NAALADL2: variants seen among roughly 807,000 people sequenced by gnomAD.
NAALADL2 encodes N-acetylated alpha-linked acidic dipeptidase like 2.
A neutral mutation model predicts 87.2 loss-of-function variants in NAALADL2; 76 were observed. The observed-to-expected ratio is 0.87, with a 90% CI of 0.72 to 1.05. The LOEUF (loss-of-function observed/expected upper bound fraction) is 1.05. NAALADL2 is among the 50% of genes least tolerant of loss of function. NAALADL2 has a pLI of 0.00. For synonymous variants in NAALADL2, 354 were observed against 331.0 expected, an observed-to-expected ratio of 1.07 and a Z score of -0.75; for missense variants, 1,089 against 945.8, an observed-to-expected ratio of 1.15 and a Z score of -1.99.
chr3:175,144,799 C>T (rs1730520955), intron 2 of NAALADL2, among the ~76,000 whole-genome samples: 1 of 151,720 alleles, frequency 6.6e-6, no homozygotes, highest in African/African-American at 2.4e-5. Flanking sequence ...ATTGTGTTTT[C>T]AGATTTCTTT....
chr3:174,864,889 G>T (rs1005670772), intron 1 of NAALADL2, among the ~76,000 whole-genome samples: 8 of 151,944 alleles, frequency 5.3e-5, no homozygotes, highest in Admixed American at 3.3e-4. Context: ...TATAAGTGAA[G>T]AAATAACAGG....
Position 175,723,543 on chromosome 3 carries a change from G to A in NAALADL2, c.1897-13763G>A, listed in dbSNP as rs144055575. On this transcript the variant is annotated intron_variant, in intron 11 of 13. Coordinates refer to ENST00000454872, the MANE Select transcript of NAALADL2 (RefSeq NM_207015.3). The stretch of plus-strand genomic sequence containing the variant: ...CATGAAAACCTTTCTATCTTCACTT[G>A]TCCAGATCAGGCTTGACTTTGGCAT... Among the ~76,000 whole-genome samples the A allele has an allele frequency of 3.2e-3, 483 of 152,160 alleles. 2 individuals carry two copies. Among genetic ancestry groups the A allele is most frequent in the African/African-American group, 0.011 (465 of 41,518 alleles).
intron 11 of NAALADL2, among the ~76,000 whole-genome samples, chr3:175,651,611 A>G (rs933477733): frequency 1.3e-5 from 2 of 152,218 alleles, no homozygotes; most frequent in Admixed American, 6.5e-5. Flanking sequence ...AAGAGTTTAT[A>G]TAAGTCCTTC....
intron 5 of NAALADL2, among the ~76,000 whole-genome samples, chr3:175,324,677 A>G (rs553087031): frequency 2.0e-3 from 306 of 152,298 alleles, no homozygotes; most frequent in African/African-American, 7.0e-3. Context: ...AGGAGCATGA[A>G]ATGTCTGCTG....
intron 3 of NAALADL2, among the ~76,000 whole-genome samples, chr3:174,771,726 CATGAGT>C (rs1440933578): frequency 6.6e-6 from 1 of 152,126 alleles, no homozygotes; most frequent in African/African-American, 2.4e-5. Flanking sequence ...GAAAGGTATC[CATGAGT>C]ATGGTACAGG....
rs976898535 is a variant in NAALADL2 at position 175,488,463 on chromosome 3, G to C, written c.1653+16705G>C. Reference sequence around the variant, plus strand: ...TGTGTAGGTGCTGGGATGTGTGTGTGCACACATACGTGCACATTCATCTAT... The same window carrying C: ...TGTGTAGGTGCTGGGATGTGTGTGTCCACACATACGTGCACATTCATCTAT... On this transcript the variant is annotated intron_variant, in intron 9 of 13. Coordinates refer to ENST00000454872, the MANE Select transcript of NAALADL2 (RefSeq NM_207015.3). 7.7e-4 allele frequency among the ~76,000 whole-genome samples: 117 copies of C among 152,196 alleles called. 1 individual carries two copies. Among genetic ancestry groups the C allele is most frequent in the African/African-American group, 2.8e-3 (114 of 41,450 alleles).
chr3:174,627,667 G>A (rs1488823322), intron 2 of NAALADL2, among the ~76,000 whole-genome samples: 1 of 152,158 alleles, frequency 6.6e-6, no homozygotes, highest in African/African-American at 2.4e-5. Flanking sequence ...CTTCAAAATA[G>A]CAAAGTCATG....
At chr3:175,240,493 G>A (rs1315360877) in intron 3 of NAALADL2, among the ~76,000 whole-genome samples, 2 of 152,190 alleles carry the variant, frequency 1.3e-5, no homozygotes, top group Non-Finnish European at 2.9e-5. Context: ...AAAAGGCAGA[G>A]CTATATGCAT....
intron 2 of NAALADL2, among the ~76,000 whole-genome samples, chr3:175,151,214 C>CAT (rs1033420834): frequency 3.9e-5 from 6 of 152,136 alleles, no homozygotes; most frequent in Non-Finnish European, 8.8e-5. Flanking sequence ...TCACTTACCG[C>CAT]ATATCATGTG....
At chr3:175,404,468 C>T (rs1296814086) in intron 5 of NAALADL2, among the ~76,000 whole-genome samples, 2 of 152,080 alleles carry the variant, frequency 1.3e-5, no homozygotes, top group African/African-American at 2.4e-5. Context: ...TTGCAAAAGC[C>T]GTGTGAGTCT....
intron 5 of NAALADL2, among the ~76,000 whole-genome samples, chr3:175,440,257 T>C (rs151164390): frequency 0.01 from 1,535 of 152,334 alleles, 16 homozygotes; most frequent in Middle Eastern, 0.034. Flanking sequence ...TCTGTCTTAA[T>C]ACCAGTATCA....
At chr3:175,282,991 C>A (rs895240084) in intron 4 of NAALADL2, among the ~76,000 whole-genome samples, 3 of 150,122 alleles carry the variant, frequency 2.0e-5, no homozygotes, top group African/African-American at 7.4e-5. Flanking sequence ...GTATTATTAA[C>A]AGCAATGACA....
intron 1 of NAALADL2, among the ~76,000 whole-genome samples, chr3:175,054,785 A>G (rs991740362): frequency 2.6e-5 from 4 of 152,154 alleles, no homozygotes; most frequent in African/African-American, 9.7e-5. Context: ...CCTAACAGGG[A>G]CATACCCCAT....
At chr3:175,042,837 A>G (rs925721919) in intron 1 of NAALADL2, among the ~76,000 whole-genome samples, 1 of 152,050 alleles carries the variant, frequency 6.6e-6, no homozygotes, top group Admixed American at 6.6e-5. Context: ...ACCTAAAGTG[A>G]GTTGTTTTAG....
At chr3:175,330,534 A>G (rs536385350) in intron 5 of NAALADL2, among the ~76,000 whole-genome samples, 1 of 152,300 alleles carries the variant, frequency 6.6e-6, no homozygotes, top group Non-Finnish European at 1.5e-5. Context: ...TTTGGAAGCT[A>G]TAAAAATACA....
At chr3:175,410,931 G>A (rs1467417339) in intron 5 of NAALADL2, among the ~76,000 whole-genome samples, 1 of 152,116 alleles carries the variant, frequency 6.6e-6, no homozygotes, top group Non-Finnish European at 1.5e-5. Context: ...GAAGGTAATG[G>A]GATAGACATC....
chr3:174,992,244 A>G (rs1412701361), intron 1 of NAALADL2, among the ~76,000 whole-genome samples: 2 of 152,086 alleles, frequency 1.3e-5, no homozygotes, highest in African/African-American at 4.8e-5. Flanking sequence ...TTACCTACAC[A>G]CAGTTGAAGA....
chr3:175,007,315 G>T, intron 1 of NAALADL2, among the ~76,000 whole-genome samples: 1 of 152,124 alleles, frequency 6.6e-6, no homozygotes, highest in Non-Finnish European at 1.5e-5. Context: ...AGAAATGGTT[G>T]CAGTTGTGTT....
intron 1 of NAALADL2, among the ~76,000 whole-genome samples, chr3:175,065,019 A>G (rs1296571661): frequency 6.6e-6 from 1 of 151,784 alleles, no homozygotes; most frequent in East Asian, 1.9e-4. Context: ...TATTAATAAT[A>G]TATCAGAGTA....
Sources: gnomAD v4.1 joint callset for allele counts (sites outside exome capture counted in the v4.1 genomes callset) on GRCh38, gnomAD v4.1.1 for gene constraint, MANE v1.5 for transcripts, NCBI Gene and HGNC (gene_info 2026-07-23, HGNC 2026-07-21) for gene names.